ADAMTS18: variants seen among roughly 807,000 people sequenced by gnomAD.
ADAMTS18 encodes the protein ADAM metallopeptidase with thrombospondin type 1 motif 18, also known as A disintegrin and metalloproteinase with thrombospondin motifs 18.
ADAMTS18 carries 157 observed loss-of-function variants against 165.9 expected under a neutral mutation model. That is an observed-to-expected ratio of 0.95 (90% confidence interval 0.83 to 1.08). The LOEUF is 1.08. ADAMTS18 is among the 50% of genes least tolerant of loss of function. ADAMTS18 has a pLI of 0.00. For synonymous variants in ADAMTS18, 782 were observed against 578.2 expected (o/e 1.35, Z -5.06); for missense variants, 2,040 against 1,534.0 (o/e 1.33, Z -5.51).
chr16:77,318,132 TAGTC>T (rs1167026741), intron 16 of ADAMTS18, among the ~76,000 whole-genome samples: 9 of 152,200 alleles, frequency 5.9e-5, no homozygotes, highest in African/African-American at 1.7e-4. Flanking sequence ...ATCTTCCTAA[TAGTC>T]AGTTTTCAGA....
chr16:77,415,970 A>C (rs2057525124), intron 3 of ADAMTS18, among the ~76,000 whole-genome samples: 1 of 152,194 alleles, frequency 6.6e-6, no homozygotes, highest in Admixed American at 6.5e-5. Flanking sequence ...TACAGCAGTG[A>C]ATAGCAGAGA....
intron 22 of ADAMTS18, among the ~76,000 whole-genome samples, chr16:77,286,672 G>A (rs1436903388): frequency 6.6e-6 from 1 of 151,954 alleles, no homozygotes; most frequent in African/African-American, 2.4e-5. Context: ...GTACAATGCT[G>A]CCTGCCCCCA....
chr16:77,306,901 T>C (rs1422455924), intron 16 of ADAMTS18, among the ~76,000 whole-genome samples: 1 of 152,130 alleles, frequency 6.6e-6, no homozygotes, highest in Non-Finnish European at 1.5e-5. Flanking sequence ...AAACCTCACA[T>C]CTTCACTCTC....
At chr16:77,415,068 C>A in intron 3 of ADAMTS18, among the ~76,000 whole-genome samples, 1 of 152,136 alleles carries the variant, frequency 6.6e-6, no homozygotes, top group East Asian at 1.9e-4. Flanking sequence ...AGTAATGTAT[C>A]CAAGATGCAC....
At chr16:77,391,218 A>T (rs1023291213) in intron 3 of ADAMTS18, among the ~76,000 whole-genome samples, 1 of 152,146 alleles carries the variant, frequency 6.6e-6, no homozygotes, top group South Asian at 2.1e-4. Flanking sequence ...AGACTAAAAG[A>T]CAGGCCAGGC....
At chr16:77,384,678 G>A (rs1000676450) in intron 3 of ADAMTS18, among the ~76,000 whole-genome samples, 10 of 152,168 alleles carry the variant, frequency 6.6e-5, no homozygotes, top group Non-Finnish European at 1.5e-4. Flanking sequence ...TAGCAGTGAA[G>A]ATTGTACTAA....
chr16:77,425,202 G>C (rs1216258860), intron 3 of ADAMTS18, among the ~76,000 whole-genome samples: 5 of 152,162 alleles, frequency 3.3e-5, no homozygotes, highest in Non-Finnish European at 7.4e-5. Flanking sequence ...AGATACAATG[G>C]GGACATTAGT....
intron 21 of ADAMTS18, 185 bp from the exon 22 acceptor site, chr16:77,289,596 G>T: frequency 1.5e-6 from 1 of 689,196 alleles, no homozygotes; most frequent in African/African-American, 1.8e-5. Context: ...CCTTTGATCT[G>T]ATTAGAAGGG....
At chr16:77,431,682 G>T in intron 2 of ADAMTS18, 71 bp from the exon 3 acceptor site, 1 of 1,504,966 alleles carries the variant, frequency 6.6e-7, no homozygotes, top group South Asian at 1.1e-5. Context: ...CCAGCAAGCT[G>T]GCAAAGAGCA....
chr16:77,320,134 G>A (rs1377053955), intron 15 of ADAMTS18, 41 bp from the exon 16 acceptor site: 2 of 1,613,070 alleles, frequency 1.2e-6, no homozygotes, highest in African/African-American at 1.3e-5. Context: ...TCCACCCCAT[G>A]CATTGGAGAA....
intron 3 of ADAMTS18, among the ~76,000 whole-genome samples, chr16:77,383,586 C>T (rs1018550291): frequency 6.6e-6 from 1 of 152,188 alleles, no homozygotes; most frequent in African/African-American, 2.4e-5. Flanking sequence ...CTCTGTCACC[C>T]AGGCTGGATT....
rs537765069 is a variant in ADAMTS18, at chr16:77,319,588, G to A, written c.2532+261C>T. 7.2e-5 allele frequency among the ~76,000 whole-genome samples: 11 copies of A among 152,058 alleles called. No homozygotes were observed. The South Asian group carries it at 1.0e-3, about 14-fold the overall frequency. On this transcript the variant is annotated intron_variant, in intron 16 of 22. Transcript: ENST00000282849. ...CCCACTAATAGCTGGGATTACAGGC[G>A]CGTGCCACCACACCTGGCTAATTTT...
intron 22 of ADAMTS18, among the ~76,000 whole-genome samples, chr16:77,288,877 G>A (rs2055306943): frequency 6.6e-6 from 1 of 152,166 alleles, no homozygotes. Context: ...TTGAGGCCAG[G>A]AGTTCGAGAT....
intron 3 of ADAMTS18, among the ~76,000 whole-genome samples, chr16:77,397,161 T>C (rs140940644): frequency 1.5e-4 from 23 of 152,256 alleles, no homozygotes; most frequent in Middle Eastern, 3.4e-3. Context: ...CAATTATTTC[T>C]ACATGTAGAG....
At chr16:77,339,797 A>C (rs1028288366) in intron 11 of ADAMTS18, among the ~76,000 whole-genome samples, 8 of 151,656 alleles carry the variant, frequency 5.3e-5, no homozygotes, top group African/African-American at 1.7e-4. Context: ...TATCGGATTA[A>C]AAATTGCACA....
intron 12 of ADAMTS18, among the ~76,000 whole-genome samples, chr16:77,334,058 C>T (rs892158978): frequency 3.9e-4 from 41 of 106,128 alleles, no homozygotes; most frequent in East Asian, 8.8e-4. Context: ...ATATACAGTG[C>T]TATATATGCT....
At chr16:77,410,820 C>T (rs770191305) in intron 3 of ADAMTS18, among the ~76,000 whole-genome samples, 13 of 152,112 alleles carry the variant, frequency 8.5e-5, no homozygotes, top group South Asian at 2.1e-4. Flanking sequence ...AGCTGGGAAC[C>T]CCTTCTAGCA....
At chr16:77,421,617 G>A (rs1432380430) in intron 3 of ADAMTS18, among the ~76,000 whole-genome samples, 1 of 152,198 alleles carries the variant, frequency 6.6e-6, no homozygotes, top group African/African-American at 2.4e-5. Flanking sequence ...TGAGTTCTCA[G>A]TAACTTTGCA....
At chr16:77,366,129 G>T (rs982385181) in intron 4 of ADAMTS18, among the ~76,000 whole-genome samples, 2 of 148,834 alleles carry the variant, frequency 1.3e-5, no homozygotes, top group Non-Finnish European at 2.9e-5. Flanking sequence ...TAATATCTTA[G>T]TGATACCAGT....
Sources: gnomAD v4.1 joint callset for allele counts (sites outside exome capture counted in the v4.1 genomes callset) on GRCh38, gnomAD v4.1.1 for gene constraint, MANE v1.5 for transcripts, NCBI Gene and HGNC (gene_info 2026-07-23, HGNC 2026-07-21) for gene names.